The following PDE4D variants were observed in gnomAD, a reference collection of about 807,000 sequenced individuals.
PDE4D encodes 3',5'-cyclic-AMP phosphodiesterase 4D.
Under a neutral mutation model 87.4 loss-of-function variants are expected in PDE4D, and 24 were observed. The ratio of observed to expected loss-of-function variants is 0.27; its 90% confidence interval spans 0.20 to 0.39. PDE4D has a LOEUF of 0.39. PDE4D is among the 10% of genes least tolerant of loss of function. The probability of loss-of-function intolerance (pLI) is 1.00; values close to 1 mark genes in which losing one functional copy is unlikely to be tolerated. For synonymous variants in PDE4D, 384 were observed against 383.2 expected, an observed-to-expected ratio of 1.00 and a Z score of -0.02; for missense variants, 714 against 1,041.0, an observed-to-expected ratio of 0.69 and a Z score of 4.32.
chr5:60,057,827 C>A (rs567587998), intron 2 of PDE4D, among the ~76,000 whole-genome samples: 1 of 151,884 alleles, frequency 6.6e-6, no homozygotes, highest in African/African-American at 2.4e-5. Context: ...ATATTCCTGT[C>A]TCTAGATTAA....
At chr5:59,859,985 G>A (rs1012637466) in intron 1 of PDE4D, among the ~76,000 whole-genome samples, 1 of 152,218 alleles carries the variant, frequency 6.6e-6, no homozygotes, top group Admixed American at 6.5e-5. Context: ...GGAAGAAAGG[G>A]ATATTTGACA....
intron 11 of PDE4D, among the ~76,000 whole-genome samples, chr5:58,977,558 C>T (rs1475234032): frequency 6.6e-6 from 1 of 152,156 alleles, no homozygotes; most frequent in African/African-American, 2.4e-5. Context: ...ATGCTACTAA[C>T]ATGTGGCAGG....
chr5:60,097,265 T>TTGTGTGTGTGTGTGTGTGTGTGTGTG (rs57591657), intron 2 of PDE4D, among the ~76,000 whole-genome samples: 2,309 of 146,464 alleles, frequency 0.016, 27 homozygotes, highest in South Asian at 0.051. Flanking sequence ...TGCTATGAAG[T>TTGTGTGTGTGTGTGTGTGTGTGTGTG]TGTGTGTGTG....
At chr5:59,193,463 C>A (rs746770315) in intron 3 of PDE4D, 37 bp downstream of exon 3, 1 of 1,593,194 alleles carries the variant, frequency 6.3e-7, no homozygotes, top group South Asian at 1.1e-5. Context: ...ATTTTTACAT[C>A]TGTGAGAAAC....
chr5:59,297,231 T>C (rs1362673688), intron 1 of PDE4D, among the ~76,000 whole-genome samples: 1 of 152,218 alleles, frequency 6.6e-6, no homozygotes, highest in Non-Finnish European at 1.5e-5. Flanking sequence ...AAGGAATCTA[T>C]CAACATTGTG....
At chr5:60,174,485 C>T (rs909305518) in intron 2 of PDE4D, among the ~76,000 whole-genome samples, 2 of 151,994 alleles carry the variant, frequency 1.3e-5, no homozygotes, top group African/African-American at 2.4e-5. Flanking sequence ...AATTGACTAA[C>T]CCTCTGAGGC....
At chr5:60,086,630 T>A (rs1001802648) in intron 2 of PDE4D, among the ~76,000 whole-genome samples, 1 of 152,338 alleles carries the variant, frequency 6.6e-6, no homozygotes, top group East Asian at 1.9e-4. Flanking sequence ...CAAATGGTTA[T>A]AAAGTAAATG....
chr5:60,160,774 C>T (rs754951234), intron 2 of PDE4D: 2 of 447,826 alleles, frequency 4.5e-6, no homozygotes, highest in Non-Finnish European at 8.9e-6. Flanking sequence ...CTCACCTTTT[C>T]CCTAGTATTC....
chr5:58,990,311 A>T (rs964931386), intron 9 of PDE4D, among the ~76,000 whole-genome samples: 2 of 152,200 alleles, frequency 1.3e-5, no homozygotes, highest in African/African-American at 4.8e-5. Flanking sequence ...CGGTCCCGAG[A>T]TATCTACAGC....
intron 1 of PDE4D, among the ~76,000 whole-genome samples, chr5:59,218,986 T>G (rs1043688428): frequency 7.5e-6 from 1 of 134,062 alleles, no homozygotes; most frequent in South Asian, 2.4e-4. Flanking sequence ...TAGGTGGGAA[T>G]TGAACAATGA....
rs987715142 is a variant in PDE4D at position 59,683,049 on chromosome 5, G to A, written c.455+210119C>T. On this transcript the variant is annotated intron_variant, in intron 1 of 14. Coordinates refer to ENST00000340635, the MANE Select transcript of PDE4D (RefSeq NM_001104631.2). Reference sequence around the variant, plus strand: ...AATTTAGAATAAAGTCTGTAGATTAGATAACAACATTTTATCCATGTTAAT... The same window carrying A: ...AATTTAGAATAAAGTCTGTAGATTAAATAACAACATTTTATCCATGTTAAT... Among the ~76,000 whole-genome samples, 3 of 152,162 alleles carry A rather than the reference G, an allele frequency of 2.0e-5. No homozygotes were observed. The East Asian group carries it at 5.8e-4, about 29-fold the overall frequency.
chr5:59,416,718 G>A (rs560516633), intron 1 of PDE4D, among the ~76,000 whole-genome samples: 1 of 152,258 alleles, frequency 6.6e-6, no homozygotes, highest in East Asian at 1.9e-4. Context: ...GTAAACATAT[G>A]ATTCATCACA....
At chr5:60,163,198 T>C (rs1782608298) in intron 2 of PDE4D, among the ~76,000 whole-genome samples, 1 of 152,040 alleles carries the variant, frequency 6.6e-6, no homozygotes, top group Non-Finnish European at 1.5e-5. Flanking sequence ...GGTCAGTCAC[T>C]ACAACACATA....
intron 5 of PDE4D, among the ~76,000 whole-genome samples, chr5:59,090,762 A>G (rs1181871220): frequency 6.8e-6 from 1 of 147,108 alleles, no homozygotes; most frequent in African/African-American, 2.5e-5. Context: ...ACCTTCGTTG[A>G]GTGCTCCCAA....
intron 6 of PDE4D, among the ~76,000 whole-genome samples, chr5:59,021,917 A>G (rs1360306503): frequency 6.6e-6 from 1 of 152,176 alleles, no homozygotes; most frequent in Non-Finnish European, 1.5e-5. Context: ...TTGCTGTCTC[A>G]GAGCCCATCA....
rs532380164 is a variant in PDE4D at position 59,560,137 on chromosome 5, T to A, written c.455+333031A>T. On this transcript the variant is annotated intron_variant, in intron 1 of 14. Transcript: ENST00000340635. ...TACTCCGAAGAAATGTAAAGTTTAA[T>A]CAATCCATGAAAATCAGTCCCAGAT... Among the ~76,000 whole-genome samples the A allele has an allele frequency of 2.0e-5, 3 of 152,310 alleles. No individual in the cohort carries two copies. In the South Asian group the frequency reaches 6.2e-4, roughly 32 times the overall value.
chr5:59,161,436 T>C (rs1424075787), intron 5 of PDE4D, among the ~76,000 whole-genome samples: 1 of 152,180 alleles, frequency 6.6e-6, no homozygotes, highest in African/African-American at 2.4e-5. Context: ...GAAAGAGTTA[T>C]TATCAGTAGA....
intron 5 of PDE4D, among the ~76,000 whole-genome samples, chr5:59,077,542 C>T (rs974596527): frequency 1.4e-5 from 2 of 147,214 alleles, no homozygotes; most frequent in African/African-American, 2.5e-5. Flanking sequence ...GGTGCGATCT[C>T]GCTGCAACCT....
At chr5:59,803,402 G>A (rs1767380522) in intron 1 of PDE4D, among the ~76,000 whole-genome samples, 1 of 151,206 alleles carries the variant, frequency 6.6e-6, no homozygotes, top group Non-Finnish European at 1.5e-5. Context: ...GGGTTCAAGC[G>A]ATTCTCCTGC....
Sources: gnomAD v4.1 joint callset for allele counts (sites outside exome capture counted in the v4.1 genomes callset) on GRCh38, gnomAD v4.1.1 for gene constraint, MANE v1.5 for transcripts, NCBI Gene and HGNC (gene_info 2026-07-23, HGNC 2026-07-21) for gene names.